The following DISC1 variants were observed in gnomAD, a reference collection of about 807,000 sequenced individuals.
DISC1 encodes disrupted in schizophrenia 1 protein.
In DISC1, 57 loss-of-function variants were observed where a neutral mutation model predicts 84.5. The observed-to-expected ratio is 0.67, with a 90% CI of 0.55 to 0.84. The LOEUF is 0.84. Ranked by LOEUF, DISC1 falls within the 40% of genes least tolerant of loss-of-function variation. The pLI is 0.00. For synonymous variants in DISC1, 411 were observed against 415.2 expected (o/e 0.99, Z 0.12); for missense variants, 1,000 against 1,057.8 (o/e 0.95, Z 0.76).
At chr1:231,838,838 G>A (rs2082815354) in intron 9 of DISC1, among the ~76,000 whole-genome samples, 1 of 152,178 alleles carries the variant, frequency 6.6e-6, no homozygotes, top group African/African-American at 2.4e-5. Flanking sequence ...TCATTCAGAA[G>A]CCTTAGCTGT....
chr1:231,933,668 A>G (rs2090803359), intron 9 of DISC1, among the ~76,000 whole-genome samples: 1 of 152,218 alleles, frequency 6.6e-6, no homozygotes, highest in Non-Finnish European at 1.5e-5. Context: ...GTGAATTTCC[A>G]GAAAAAAAAT....
intron 9 of DISC1, among the ~76,000 whole-genome samples, chr1:231,829,453 C>G (rs970225510): frequency 1.3e-5 from 2 of 152,112 alleles, no homozygotes; most frequent in Non-Finnish European, 2.9e-5. Context: ...CAACCTCCAC[C>G]TCCTGGGCTC....
intron 4 of DISC1, 190 bp downstream of exon 4, chr1:231,750,266 C>T: frequency 7.2e-7 from 1 of 1,385,174 alleles, no homozygotes; most frequent in Non-Finnish European, 9.3e-7. Flanking sequence ...TCATGCATCT[C>T]TAGAAAGAAG....
At chr1:232,020,384 C>G (rs1668856033) in intron 11 of DISC1, among the ~76,000 whole-genome samples, 1 of 152,124 alleles carries the variant, frequency 6.6e-6, no homozygotes, top group Admixed American at 6.5e-5. Context: ...TTCTTCAAGC[C>G]TCTTTTCTTG....
chr1:232,011,522 A>G (rs1357744077), intron 11 of DISC1, among the ~76,000 whole-genome samples: 1 of 152,198 alleles, frequency 6.6e-6, no homozygotes, highest in Admixed American at 6.5e-5. Flanking sequence ...CATGAGTGCC[A>G]TGGATTTTAA....
chr1:231,808,885 CA>C (rs1489646308), intron 8 of DISC1, among the ~76,000 whole-genome samples: 6 of 152,170 alleles, frequency 3.9e-5, no homozygotes, highest in African/African-American at 1.2e-4. Flanking sequence ...CAGTAGGAAA[CA>C]AATTCAAAAA....
chr1:231,978,694 C>G (rs2102858784), intron 10 of DISC1, among the ~76,000 whole-genome samples: 1 of 152,326 alleles, frequency 6.6e-6, no homozygotes, highest in South Asian at 2.1e-4. Context: ...TTCAGATTGG[C>G]TACAGACTCT....
chr1:231,807,000 T>C (rs1452252997), intron 8 of DISC1, among the ~76,000 whole-genome samples: 6 of 152,220 alleles, frequency 3.9e-5, no homozygotes, highest in African/African-American at 1.4e-4. Context: ...ACCACGGACC[T>C]GTAGTGATGA....
At chr1:231,863,157 A>G (rs1558663712) in intron 9 of DISC1, among the ~76,000 whole-genome samples, 1 of 148,766 alleles carries the variant, frequency 6.7e-6, no homozygotes, top group Non-Finnish European at 1.5e-5. Flanking sequence ...CTGCAGGCTC[A>G]TTGCCATGAA....
intron 4 of DISC1, chr1:231,750,553 A>C: frequency 2.0e-6 from 2 of 987,486 alleles, no homozygotes; most frequent in Non-Finnish European, 2.4e-6. Context: ...TTAGTAATAT[A>C]TAGAGAGCAG....
At chr1:231,924,966 T>G (rs1215476538) in intron 9 of DISC1, among the ~76,000 whole-genome samples, 2 of 151,964 alleles carry the variant, frequency 1.3e-5, no homozygotes, top group East Asian at 3.9e-4. Flanking sequence ...TTTTTTTTTT[T>G]TTTTTTAAAT....
intron 12 of DISC1, among the ~76,000 whole-genome samples, chr1:232,029,521 T>C (rs1311259957): frequency 6.6e-6 from 1 of 152,202 alleles, no homozygotes; most frequent in African/African-American, 2.4e-5. Context: ...AAAGATACAA[T>C]GCTGAGTGTG....
chr1:231,782,477 TA>T (rs1358014886), intron 6 of DISC1, among the ~76,000 whole-genome samples: 1 of 152,176 alleles, frequency 6.6e-6, no homozygotes, highest in Non-Finnish European at 1.5e-5. Flanking sequence ...GAGCTGTGCA[TA>T]TGCTTATTCT....
intron 1 of DISC1, among the ~76,000 whole-genome samples, chr1:231,665,964 C>T (rs1383042299): frequency 6.6e-6 from 1 of 152,168 alleles, no homozygotes; most frequent in Non-Finnish European, 1.5e-5. Flanking sequence ...TGTGGAAGGG[C>T]TCTCACTTCC....
intron 9 of DISC1, among the ~76,000 whole-genome samples, chr1:231,822,706 A>G (rs537471652): frequency 6.6e-6 from 1 of 152,318 alleles, no homozygotes; most frequent in Non-Finnish European, 1.5e-5. Context: ...TATAAAGAAA[A>G]GGGAATTCTT....
chr1:231,673,260 C>T (rs183519170), intron 1 of DISC1, among the ~76,000 whole-genome samples: 2 of 152,288 alleles, frequency 1.3e-5, no homozygotes, highest in East Asian at 3.9e-4. Flanking sequence ...TGTGCTGTCC[C>T]CTGGAGGTGG....
intron 9 of DISC1, among the ~76,000 whole-genome samples, chr1:231,883,407 T>C (rs796866825): frequency 3.9e-5 from 6 of 151,930 alleles, no homozygotes; most frequent in African/African-American, 1.2e-4. Flanking sequence ...GCTGGCCTAG[T>C]GAAAGGAACA....
intron 8 of DISC1, among the ~76,000 whole-genome samples, chr1:231,806,208 A>G (rs1404776654): frequency 2.6e-5 from 4 of 152,322 alleles, no homozygotes; most frequent in South Asian, 4.1e-4. Context: ...TTAGCCATGC[A>G]TCTGAGTTGG....
At chr1:231,923,563 G>T (rs139355074) in intron 9 of DISC1, among the ~76,000 whole-genome samples, 1 of 152,310 alleles carries the variant, frequency 6.6e-6, no homozygotes, top group Non-Finnish European at 1.5e-5. Flanking sequence ...GATTGCCGTA[G>T]GCGGATATTA....
Sources: gnomAD v4.1 joint callset for allele counts (sites outside exome capture counted in the v4.1 genomes callset) on GRCh38, gnomAD v4.1.1 for gene constraint, MANE v1.5 for transcripts, NCBI Gene and HGNC (gene_info 2026-07-23, HGNC 2026-07-21) for gene names.